LAMC2: variants seen among roughly 807,000 people sequenced by gnomAD.
LAMC2 encodes the protein laminin subunit gamma 2, also known as laminin subunit gamma-2.
Under a neutral mutation model 140.2 loss-of-function variants are expected in LAMC2, and 97 were observed. The observed-to-expected ratio is 0.69, with a 90% CI of 0.59 to 0.82. The LOEUF is 0.82. Among genes scored for constraint, LAMC2 ranks in the 40% least tolerant of loss-of-function variants. LAMC2 has a pLI of 0.00. For missense variants in LAMC2, 1,402 were observed against 1,476.1 expected (o/e 0.95, Z 0.82); for synonymous variants, 513 against 540.2 (o/e 0.95, Z 0.70).
At chr1:183,238,112 T>C (rs1660020599) in intron 18 of LAMC2, among the ~76,000 whole-genome samples, 195 bp from the exon 19 acceptor site, 1 of 152,230 alleles carries the variant, frequency 6.6e-6, no homozygotes, top group Admixed American at 6.5e-5. Flanking sequence ...GATGGTGGAC[T>C]AGAGTTTCTC....
At chr1:183,188,362 T>G (rs1658221285) in intron 1 of LAMC2, among the ~76,000 whole-genome samples, 1 of 152,384 alleles carries the variant, frequency 6.6e-6, no homozygotes, top group East Asian at 1.9e-4. Context: ...CTGAGTGTCC[T>G]GTGGGCTGCA....
At chr1:183,203,113 A>T (rs1033417588) in intron 1 of LAMC2, among the ~76,000 whole-genome samples, 18 of 152,192 alleles carry the variant, frequency 1.2e-4, no homozygotes, top group African/African-American at 3.6e-4. Context: ...TCAAAAATAT[A>T]TATTTTTTTA....
Position 183,235,623 on chromosome 1 carries a change from G to C in LAMC2, c.2349G>C (p.Glu783Asp), listed in dbSNP as rs1294633087. The change falls in exon 16 of 23, where the codon GAG (glutamate) becomes GAC (aspartate). Residue 783 changes from glutamate (E) to aspartate (D), a missense_variant. This residue lies in a region of LAMC2 where 670 missense variants were observed against 667.2 expected (regional missense o/e 1.00). Coordinates refer to ENST00000264144, the MANE Select transcript of LAMC2 (RefSeq NM_005562.3). ...SNMEQLTRET[E>D]DYSKQALSLV... ...TGGAGCAACTGACAAGGGAAACTGA[G>C]GACTATTCCAAACAAGCCCTCTCAC... is the stretch of plus-strand genomic sequence containing the variant. 59 of 1,614,110 alleles carry C rather than the reference G, an allele frequency of 3.7e-5. No individual in the cohort carries two copies. Among genetic ancestry groups the C allele is most frequent in the Non-Finnish European group, 4.6e-5 (54 of 1,180,050 alleles).
At chr1:183,247,098 G>T (rs990851108), downstream of LAMC2, among the ~76,000 whole-genome samples, 2 of 152,110 alleles carry the variant, frequency 1.3e-5, no homozygotes, top group African/African-American at 4.8e-5. Flanking sequence ...ATCACCTGAG[G>T]TCTGGAGTTT....
At chr1:183,204,425 G>A (rs7556323) in intron 1 of LAMC2, among the ~76,000 whole-genome samples, 18,776 of 149,736 alleles carry the variant, frequency 0.13, 1,160 homozygotes, top group East Asian at 0.24. Flanking sequence ...GTGAAACCCC[G>A]TCTCTACAAA....
rs756977128 is a variant in LAMC2 at position 183,238,335 on chromosome 1, A to G, written c.2783A>G (p.Asn928Ser). The change falls in exon 19 of 23, where the codon AAT becomes AGT. Residue 928 changes from asparagine (N) to serine (S), a missense_variant. Physicochemically the swap from Asn to Ser is conservative, Grantham distance 46. This residue lies in a region of LAMC2 where 670 missense variants were observed against 667.2 expected (regional missense o/e 1.00). Transcript: ENST00000264144. ...EKSDQLLSRA[N>S]LAKSRAQEAL... ...TCAGATCAGCTGCTTTCCCGTGCCAATCTTGCTAAAAGCAGAGCACAAGAA... is the reference window on the plus strand; with the variant it reads ...TCAGATCAGCTGCTTTCCCGTGCCAGTCTTGCTAAAAGCAGAGCACAAGAA... 52 of 1,613,942 alleles carry G rather than the reference A, an allele frequency of 3.2e-5. No homozygotes were observed. The East Asian group carries it at 4.5e-4, about 14-fold the overall frequency.
chr1:183,238,257 GC>G, intron 18 of LAMC2, 49 bp from the exon 19 acceptor site: 1 of 1,329,240 alleles, frequency 7.5e-7, no homozygotes, highest in Non-Finnish European at 1.1e-6. Context: ...GAGTGATTTT[GC>G]CAGCAGGAAT....
chr1:183,241,869 G>T (rs1239849573), intron 22 of LAMC2, among the ~76,000 whole-genome samples: 1 of 151,994 alleles, frequency 6.6e-6, no homozygotes, highest in African/African-American at 2.4e-5. Flanking sequence ...AAAAAAGAAA[G>T]GCAATGAAAC....
intron 1 of LAMC2, among the ~76,000 whole-genome samples, chr1:183,189,461 G>C (rs895864003): frequency 6.6e-6 from 1 of 152,194 alleles, no homozygotes; most frequent in Non-Finnish European, 1.5e-5. Context: ...GAGCCTGTGA[G>C]GGTGAGGCTA....
intron 1 of LAMC2, among the ~76,000 whole-genome samples, chr1:183,200,256 G>GGTATGCCTGTAATCCTGTAATCCT (rs1558081229): frequency 6.6e-6 from 1 of 152,158 alleles, no homozygotes; most frequent in Non-Finnish European, 1.5e-5. Context: ...CGGGCATGGT[G>GGTATGCCTGTAATCCTGTAATCCT]GTGGGTGCCT....
chr1:183,207,415 G>A (rs1413358641), intron 1 of LAMC2, among the ~76,000 whole-genome samples: 1 of 152,116 alleles, frequency 6.6e-6, no homozygotes, highest in Non-Finnish European at 1.5e-5. Flanking sequence ...CGGTGGGATG[G>A]GTGTTGTGTA....
At chr1:183,249,682 C>T (rs202158783), downstream of LAMC2, 26 of 119,584 alleles carry the variant, frequency 2.2e-4, no homozygotes, top group Admixed American at 5.1e-4. Context: ...AAGAGTAGGG[C>T]GTGTGTGTGT....
intron 3 of LAMC2, among the ~76,000 whole-genome samples, 167 bp downstream of exon 3, chr1:183,215,755 G>T (rs1271008087): frequency 6.6e-6 from 1 of 152,180 alleles, no homozygotes; most frequent in Non-Finnish European, 1.5e-5. Context: ...CTAAGAGGTT[G>T]GGATTATCAT....
chr1:183,217,684 AG>A (rs1166707260), intron 3 of LAMC2, among the ~76,000 whole-genome samples: 3 of 152,246 alleles, frequency 2.0e-5, no homozygotes, highest in Non-Finnish European at 4.4e-5. Flanking sequence ...TGTCTAGAAT[AG>A]GCAAGTCTGG....
At chr1:183,199,737 G>A (rs569064116) in intron 1 of LAMC2, among the ~76,000 whole-genome samples, 4 of 152,184 alleles carry the variant, frequency 2.6e-5, no homozygotes, top group Admixed American at 6.5e-5. Context: ...GAAGGTATCC[G>A]CAAGGAAGTG....
At chr1:183,241,287 C>T (rs563867442) in intron 22 of LAMC2, 119 of 984,266 alleles carry the variant, frequency 1.2e-4, no homozygotes, top group Non-Finnish European at 1.4e-4. Context: ...AATCACTTGC[C>T]GATTTTACAT....
intron 2 of LAMC2, among the ~76,000 whole-genome samples, chr1:183,211,702 G>A (rs1404930363): frequency 6.6e-6 from 1 of 151,840 alleles, no homozygotes; most frequent in African/African-American, 2.4e-5. Context: ...GTGGAGACAG[G>A]GTCTATGTTG....
intron 1 of LAMC2, among the ~76,000 whole-genome samples, chr1:183,196,213 C>T (rs1571501330): frequency 6.6e-6 from 1 of 151,906 alleles, no homozygotes; most frequent in South Asian, 2.1e-4. Flanking sequence ...TCTCAGCTCA[C>T]TGCAACCTCT....
intron 7 of LAMC2, among the ~76,000 whole-genome samples, chr1:183,225,097 G>T (rs1659586692): frequency 6.6e-6 from 1 of 152,174 alleles, no homozygotes; most frequent in Non-Finnish European, 1.5e-5. Context: ...CAGCACAGGG[G>T]CTGGTGATAT....
Sources: gnomAD v4.1 joint callset for allele counts (sites outside exome capture counted in the v4.1 genomes callset) on GRCh38, gnomAD v4.1.1 for gene constraint, gnomAD v4.1.1 regional missense constraint, MANE v1.5 for transcripts, NCBI Gene and HGNC (gene_info 2026-07-23, HGNC 2026-07-21) for gene names.